ERP44: variants seen among roughly 807,000 people sequenced by gnomAD.
The protein encoded by ERP44 is endoplasmic reticulum resident protein 44.
Under a neutral mutation model 53.4 loss-of-function variants are expected in ERP44, and 25 were observed. The observed-to-expected ratio is 0.47, with a 90% CI of 0.34 to 0.65. ERP44 has a LOEUF of 0.65. Ranked by LOEUF, ERP44 falls within the 30% of genes least tolerant of loss-of-function variation. The pLI is 0.01. For synonymous variants in ERP44, 145 were observed against 161.2 expected (o/e 0.90, Z 0.76); for missense variants, 338 against 493.2 (o/e 0.69, Z 2.98).
At chr9:100,086,405 T>C (rs1529195) in intron 1 of ERP44, among the ~76,000 whole-genome samples, 31,668 of 152,076 alleles carry the variant, frequency 0.21, 5,617 homozygotes, top group African/African-American at 0.49. Flanking sequence ...CCTCACCCAT[T>C]TACTCATTTC....
At chr9:100,016,649 A>G (rs967533362) in intron 7 of ERP44, among the ~76,000 whole-genome samples, 37 of 152,158 alleles carry the variant, frequency 2.4e-4, no homozygotes, top group African/African-American at 8.9e-4. Flanking sequence ...CTACAGGTAC[A>G]TGCCACCACG....
chr9:100,070,400 A>T (rs1826287254), intron 1 of ERP44, among the ~76,000 whole-genome samples: 2 of 152,330 alleles, frequency 1.3e-5, no homozygotes, highest in South Asian at 4.1e-4. Flanking sequence ...TCTCATTCAA[A>T]TATTTTAATT....
intron 4 of ERP44, among the ~76,000 whole-genome samples, chr9:100,022,957 C>A (rs1015009459): frequency 1.3e-5 from 2 of 152,104 alleles, no homozygotes; most frequent in African/African-American, 2.4e-5. Flanking sequence ...TACTAAAATT[C>A]TTTAAACAGA....
At chr9:100,080,041 A>G (rs1178334176) in intron 1 of ERP44, among the ~76,000 whole-genome samples, 1 of 152,134 alleles carries the variant, frequency 6.6e-6, no homozygotes, top group African/African-American at 2.4e-5. Context: ...TATCCTTGTC[A>G]ATTCATCAAT....
intron 5 of ERP44, among the ~76,000 whole-genome samples, chr9:100,021,695 A>G (rs1830591489): frequency 6.6e-6 from 1 of 152,214 alleles, no homozygotes; most frequent in Admixed American, 6.5e-5. Flanking sequence ...CTCATACAAA[A>G]GTAATTAGAG....
At chr9:100,037,558 C>T (rs1293476671) in intron 4 of ERP44, among the ~76,000 whole-genome samples, 2 of 152,128 alleles carry the variant, frequency 1.3e-5, no homozygotes, top group Non-Finnish European at 2.9e-5. Flanking sequence ...CCCCAGACTG[C>T]ATAGCTCACC....
chr9:100,057,903 T>G, intron 2 of ERP44, 44 bp from the exon 3 acceptor site: 1 of 1,431,688 alleles, frequency 7.0e-7, no homozygotes, highest in Non-Finnish European at 9.8e-7. Flanking sequence ...TGTAATAATT[T>G]TGACATAATT....
rs542606214 is a variant in ERP44, at chr9:99,982,543, T to C, written c.*69A>G. 4.2e-5 allele frequency: 29 copies of C among 685,802 alleles called. No homozygotes were observed. The highest frequency in any genetic ancestry group is 6.0e-5 in the Non-Finnish European group (27 of 448,186). 42.5% of individuals were successfully genotyped at this position (685,802 alleles called of 1,614,324 possible). A position where few individuals can be genotyped will look rare whatever the true frequency, so the allele number is the denominator to read the frequency against. ...AAATACACATAGAATTATGAAAATA[T>C]AGGTTTACTATTTCCACCACGTAGG... On this transcript the variant is annotated 3_prime_UTR_variant, in exon 12 of 12. Transcript: ENST00000262455.
Position 100,043,536 on chromosome 9 carries a change from C to A in ERP44, c.286+8881G>T, listed in dbSNP as rs540384917. ...TTGGGAGGCTGAGGCGGGTGGATCA[C>A]TTGAGGTCAGGAGTTCGAGACCAGC... On this transcript the variant is annotated intron_variant, in intron 4 of 11. Transcript: ENST00000262455. Among the ~76,000 whole-genome samples, 20 of 152,046 alleles carry A rather than the reference C, an allele frequency of 1.3e-4. No individual in the cohort carries two copies. The East Asian group carries it at 3.5e-3, about 26-fold the overall frequency.
chr9:100,084,336 T>C (rs1378819582), intron 1 of ERP44, among the ~76,000 whole-genome samples: 2 of 152,190 alleles, frequency 1.3e-5, no homozygotes, highest in Admixed American at 6.5e-5. Context: ...TAGCCATCCC[T>C]TGTACAATGT....
chr9:99,984,906 T>C, intron 11 of ERP44, 61 bp downstream of exon 11: 1 of 1,051,256 alleles, frequency 9.5e-7, no homozygotes, highest in Non-Finnish European at 1.5e-6. Flanking sequence ...CAGACCCTCT[T>C]TGAGGCTAAC....
chr9:100,038,687 C>T (rs528886976), intron 4 of ERP44, among the ~76,000 whole-genome samples: 15 of 151,926 alleles, frequency 9.9e-5, no homozygotes, highest in African/African-American at 3.6e-4. Context: ...ACTCTTCAAT[C>T]AAAAGACACA....
At chr9:100,003,893 C>CT (rs1830403041) in intron 10 of ERP44, among the ~76,000 whole-genome samples, 1 of 152,144 alleles carries the variant, frequency 6.6e-6, no homozygotes, top group Non-Finnish European at 1.5e-5. Flanking sequence ...GGAGACTGGC[C>CT]TAGAACCAGG....
intron 10 of ERP44, among the ~76,000 whole-genome samples, chr9:99,995,828 G>C (rs1040597206): frequency 6.6e-6 from 1 of 151,568 alleles, no homozygotes. Context: ...ATGCTGCAAT[G>C]AACATAGGAG....
chr9:100,028,252 C>CA (rs1830674403), intron 4 of ERP44, among the ~76,000 whole-genome samples: 1 of 152,158 alleles, frequency 6.6e-6, no homozygotes, highest in South Asian at 2.1e-4. Context: ...CACTGACCAG[C>CA]AAGCATATGA....
chr9:100,017,740 T>C (rs1194477537), intron 7 of ERP44, among the ~76,000 whole-genome samples: 3 of 152,198 alleles, frequency 2.0e-5, no homozygotes, highest in East Asian at 3.8e-4. Flanking sequence ...GCTACGATTT[T>C]TGCCTCTTAG....
intron 1 of ERP44, among the ~76,000 whole-genome samples, chr9:100,096,038 G>A (rs1450368660): frequency 6.6e-6 from 1 of 151,724 alleles, no homozygotes; most frequent in Non-Finnish European, 1.5e-5. Context: ...TCACATGCGG[G>A]ACAATTACGA....
At chr9:100,063,756 G>T (rs1826181245) in intron 1 of ERP44, among the ~76,000 whole-genome samples, 1 of 152,190 alleles carries the variant, frequency 6.6e-6, no homozygotes, top group Non-Finnish European at 1.5e-5. Context: ...AACTTAGGAA[G>T]TATTTTACAA....
intron 1 of ERP44, among the ~76,000 whole-genome samples, chr9:100,069,287 T>TA (rs1176610914): frequency 4.2e-3 from 321 of 76,224 alleles, no homozygotes; most frequent in Middle Eastern, 0.013. Flanking sequence ...GAATGATCAA[T>TA]AAAAAAAAAA....
Sources: gnomAD v4.1 joint callset for allele counts (sites outside exome capture counted in the v4.1 genomes callset) on GRCh38, gnomAD v4.1.1 for gene constraint, MANE v1.5 for transcripts, NCBI Gene and HGNC (gene_info 2026-07-23, HGNC 2026-07-21) for gene names.